USP15: variants seen among roughly 807,000 people sequenced by gnomAD.
The protein encoded by USP15 is ubiquitin specific peptidase 15.
USP15 carries 18 observed loss-of-function variants against 127.1 expected under a neutral mutation model. That is an observed-to-expected ratio of 0.14 (90% CI 0.10 to 0.21). The LOEUF (loss-of-function observed/expected upper bound fraction) is 0.21. USP15 is among the 10% of genes least tolerant of loss of function. The probability of loss-of-function intolerance (pLI) is 1.00; values close to 1 mark genes in which losing one functional copy is unlikely to be tolerated. For missense variants in USP15, 805 were observed against 1,159.9 expected, an observed-to-expected ratio of 0.69 and a Z score of 4.44; for synonymous variants, 364 against 393.7, an observed-to-expected ratio of 0.92 and a Z score of 0.89.
At chr12:62,384,599 A>G (rs1029918392) in intron 11 of USP15, among the ~76,000 whole-genome samples, 2 of 148,076 alleles carry the variant, frequency 1.4e-5, no homozygotes, top group Non-Finnish European at 3.0e-5. Context: ...TCAACATAAT[A>G]TTTTTAATTT....
Position 62,335,709 on chromosome 12 carries a change from CTTT to C in USP15, c.683+9782_683+9784del. 3 of 985,398 alleles carry C rather than the reference CTTT, an allele frequency of 3.0e-6. No homozygotes were observed. The South Asian group carries it at 1.4e-4, about 46-fold the overall frequency. 61.0% of individuals were successfully genotyped at this position (985,398 alleles called of 1,614,324 possible). On this transcript the variant is annotated intron_variant, in intron 6 of 21. Transcript: ENST00000280377. ...ACTTCCTCCATTTACCATCCTTAAG[CTTT>C]TTTTTCTTTGACAGCCACCTACATT...
chr12:62,276,222 C>G (rs112158623), intron 1 of USP15, among the ~76,000 whole-genome samples: 5 of 152,138 alleles, frequency 3.3e-5, no homozygotes, highest in African/African-American at 4.8e-5. Flanking sequence ...AACTTCTTTA[C>G]AGGAACACAG....
chr12:62,296,629 C>T (rs996241865), intron 2 of USP15, among the ~76,000 whole-genome samples: 1 of 152,192 alleles, frequency 6.6e-6, no homozygotes, highest in Non-Finnish European at 1.5e-5. Context: ...CAACACCCAA[C>T]AGAAACACTG....
rs2068111951 is a variant in USP15, at chr12:62,414,572, G to A, written c.*10197G>A. On this transcript the variant is annotated 3_prime_UTR_variant, in exon 22 of 22. Transcript: ENST00000280377. ...GGCTGGTTTTGAAGTCTTGAACTCA[G>A]GCGATCCATCCACCTCGGCCTCCCA... The A allele has an allele frequency of 6.6e-6, 1 of 152,284 alleles. No individual in the cohort carries two copies. The highest frequency in any genetic ancestry group is 2.4e-5 in the African/African-American group (1 of 41,422). 9.4% of individuals were successfully genotyped at this position (152,284 alleles called of 1,614,324 possible). A position where few individuals can be genotyped will look rare whatever the true frequency, so the allele number is the denominator to read the frequency against.
intron 8 of USP15, among the ~76,000 whole-genome samples, chr12:62,361,020 T>G (rs2066297445): frequency 2.0e-5 from 3 of 152,008 alleles, no homozygotes; most frequent in Non-Finnish European, 2.9e-5. Context: ...TTTCTCAACA[T>G]GAATACCAAT....
intron 1 of USP15, among the ~76,000 whole-genome samples, chr12:62,263,746 A>G (rs561108044): frequency 1.2e-4 from 19 of 152,318 alleles, no homozygotes; most frequent in Admixed American, 2.6e-4. Context: ...CTGTGTTTCA[A>G]TTTCAACAAG....
At chr12:62,321,749 T>C (rs1468195109) in intron 5 of USP15, 140 bp downstream of exon 5, 1 of 587,656 alleles carries the variant, frequency 1.7e-6, no homozygotes, top group African/African-American at 1.9e-5. Context: ...CTTTCCTTGC[T>C]GGTTACTGAC....
intron 2 of USP15, among the ~76,000 whole-genome samples, chr12:62,301,793 T>C (rs2064329799): frequency 6.6e-6 from 1 of 152,182 alleles, no homozygotes; most frequent in South Asian, 2.1e-4. Flanking sequence ...GAATACTGTG[T>C]TCTCATTATT....
chr12:62,372,589 A>G (rs915586196), intron 8 of USP15, among the ~76,000 whole-genome samples: 12 of 152,148 alleles, frequency 7.9e-5, no homozygotes, highest in African/African-American at 2.7e-4. Flanking sequence ...CAGAAGAACT[A>G]AGATCAGTAA....
chr12:62,352,136 A>G (rs1264991560), intron 7 of USP15, among the ~76,000 whole-genome samples: 4 of 151,860 alleles, frequency 2.6e-5, no homozygotes, highest in African/African-American at 4.8e-5. Flanking sequence ...AAATTTATTT[A>G]TAAATTCAAG....
chr12:62,370,931 AT>A (rs750081175), intron 8 of USP15, among the ~76,000 whole-genome samples: 2 of 152,224 alleles, frequency 1.3e-5, no homozygotes. Context: ...CCGAAGACTT[AT>A]CCCAAGTCCT....
At chr12:62,403,200 G>T (rs942740545) in intron 21 of USP15, among the ~76,000 whole-genome samples, 10 of 152,008 alleles carry the variant, frequency 6.6e-5, no homozygotes, top group African/African-American at 2.4e-4. Context: ...CATTTGAGTT[G>T]TCAGCCTCAG....
rs901079070 is a variant in USP15, at chr12:62,405,639, A to T, written c.*1264A>T. 6.6e-6 allele frequency: 1 copy of T among 152,596 alleles called. No homozygotes were observed. Among genetic ancestry groups the T allele is most frequent in the Non-Finnish European group, 1.5e-5 (1 of 68,012 alleles). The allele number at this position is 152,596 out of a possible 1,614,324, so 9.5% of individuals were successfully genotyped here. A position where few individuals can be genotyped will look rare whatever the true frequency, so the allele number is the denominator to read the frequency against. On this transcript the variant is annotated 3_prime_UTR_variant, in exon 22 of 22. Transcript: ENST00000280377. ...AGAATGTATTGTAAATTGGCATACA[A>T]TACTGCCTTTAATAGAAAACCTAAA...
At position 62,404,513 on chromosome 12, in the gene USP15, T is replaced by C. The variant is rs1296045328; in HGVS notation, c.*138T>C. ...CCGAATGTAAATCCTTTATCAGATT[T>C]TAACTTGTGCAGTACTTGAAGTGAA... On this transcript the variant is annotated 3_prime_UTR_variant, in exon 22 of 22. Transcript: ENST00000280377. The C allele has an allele frequency of 1.2e-5, 15 of 1,292,684 alleles. 1 individual carries two copies. The allele number at this position is 1,292,684 out of a possible 1,614,324, so 80.1% of individuals were successfully genotyped here. A position where few individuals can be genotyped will look rare whatever the true frequency, so the allele number is the denominator to read the frequency against.
At chr12:62,290,790 G>A (rs1268802239) in intron 1 of USP15, among the ~76,000 whole-genome samples, 2 of 152,030 alleles carry the variant, frequency 1.3e-5, no homozygotes, top group African/African-American at 4.8e-5. Context: ...GATCATTTTT[G>A]TAGAGCCAGT....
At chr12:62,396,170 A>C in intron 19 of USP15, 125 bp from the exon 20 acceptor site, 1 of 425,742 alleles carries the variant, frequency 2.3e-6, no homozygotes, top group Non-Finnish European at 4.0e-6. Context: ...ATATATATAG[A>C]TAGATATATA....
Position 62,390,990 on chromosome 12 carries a change from T to G in USP15, c.1960+11T>G. Reference sequence around the variant, plus strand: ...AAGAAGGCTCACCAAGTAAGACTTTTCTGTTAAATTGTACAAATGTTTCAC... The same window carrying G: ...AAGAAGGCTCACCAAGTAAGACTTTGCTGTTAAATTGTACAAATGTTTCAC... On this transcript the variant is annotated intron_variant, in intron 15 of 21. Transcript: ENST00000280377. 1 of 1,601,394 alleles carries G rather than the reference T, an allele frequency of 6.2e-7. No individual in the cohort carries two copies. The highest frequency in any genetic ancestry group is 1.1e-5 in the South Asian group (1 of 88,860).
intron 7 of USP15, among the ~76,000 whole-genome samples, chr12:62,351,685 A>T (rs1385884656): frequency 6.6e-6 from 1 of 152,068 alleles, no homozygotes; most frequent in African/African-American, 2.4e-5. Context: ...ATTCTATCAT[A>T]TGACTACATT....
At chr12:62,277,398 C>G (rs1199816518) in intron 1 of USP15, 1 of 152,050 alleles carries the variant, frequency 6.6e-6, no homozygotes, top group Non-Finnish European at 1.5e-5. Context: ...CAGCATGTTA[C>G]CATACTGAAT....
Sources: allele counts gnomAD v4.1 joint callset (sites outside exome capture counted in the v4.1 genomes callset), GRCh38; gene constraint gnomAD v4.1.1; transcripts MANE v1.5; gene names NCBI Gene and HGNC (gene_info 2026-07-23, HGNC 2026-07-21).